PKP4: variants seen among roughly 807,000 people sequenced by gnomAD.
PKP4 encodes the protein plakophilin 4, also known as plakophilin-4.
In PKP4, 90 loss-of-function variants were observed where a neutral mutation model predicts 145.1. The observed-to-expected ratio is 0.62, with a 90% CI of 0.52 to 0.74. The LOEUF is 0.74. PKP4 is among the 30% of genes least tolerant of loss of function. The pLI is 0.00. For missense variants in PKP4, 1,340 were observed against 1,482.7 expected (o/e 0.90, Z 1.58); for synonymous variants, 563 against 577.2 (o/e 0.98, Z 0.35).
intron 2 of PKP4, among the ~76,000 whole-genome samples, chr2:158,547,786 GTT>G (rs764413788): frequency 3.9e-4 from 60 of 152,294 alleles, no homozygotes; most frequent in Admixed American, 1.4e-3. Context: ...GATAGACACT[GTT>G]TTACAAAACT....
At chr2:158,532,214 T>G (rs16843006) in intron 1 of PKP4, among the ~76,000 whole-genome samples, 22,669 of 152,108 alleles carry the variant, frequency 0.15, 1,870 homozygotes, top group Middle Eastern at 0.28. Context: ...TGAAGAATGT[T>G]GAGAAAAATA....
chr2:158,477,046 C>T (rs1162453305), intron 1 of PKP4, among the ~76,000 whole-genome samples: 1 of 150,782 alleles, frequency 6.6e-6, no homozygotes, highest in Non-Finnish European at 1.5e-5. Flanking sequence ...TAATTCATCC[C>T]TTAAAATTGG....
chr2:158,575,778 A>G (rs1314683626), intron 2 of PKP4, among the ~76,000 whole-genome samples: 1 of 151,752 alleles, frequency 6.6e-6, no homozygotes, highest in Non-Finnish European at 1.5e-5. Flanking sequence ...GAAGTGAACA[A>G]ATAGAAGTCT....
chr2:158,467,626 A>T (rs1420527630), intron 1 of PKP4, among the ~76,000 whole-genome samples: 2 of 151,900 alleles, frequency 1.3e-5, no homozygotes, highest in Non-Finnish European at 2.9e-5. Context: ...TATGAAGATT[A>T]CTTGAGGCCA....
intron 3 of PKP4, among the ~76,000 whole-genome samples, chr2:158,593,018 CAAGTAT>C (rs1188673746): frequency 1.3e-5 from 2 of 152,240 alleles, no homozygotes; most frequent in Non-Finnish European, 1.5e-5. Context: ...GCTTTATTTA[CAAGTAT>C]AACATATAGA....
At chr2:158,529,946 A>T (rs1171723839) in intron 1 of PKP4, among the ~76,000 whole-genome samples, 1 of 152,188 alleles carries the variant, frequency 6.6e-6, no homozygotes, top group Non-Finnish European at 1.5e-5. Context: ...GGTTGGGTCA[A>T]GGTCAGACCT....
intron 1 of PKP4, among the ~76,000 whole-genome samples, chr2:158,473,753 A>G (rs1691989912): frequency 6.6e-6 from 1 of 152,280 alleles, no homozygotes; most frequent in East Asian, 1.9e-4. Flanking sequence ...TACCCCAGCG[A>G]TATAAGTTTA....
At chr2:158,595,422 G>T (rs2049641151) in intron 3 of PKP4, among the ~76,000 whole-genome samples, 1 of 152,082 alleles carries the variant, frequency 6.6e-6, no homozygotes, top group East Asian at 1.9e-4. Flanking sequence ...TAAGACCAGG[G>T]ACTTCCATAG....
At chr2:158,472,485 C>T (rs946023746) in intron 1 of PKP4, among the ~76,000 whole-genome samples, 5 of 151,590 alleles carry the variant, frequency 3.3e-5, no homozygotes, top group African/African-American at 7.3e-5. Context: ...CAGTGGCAGG[C>T]GCCTATAATC....
intron 3 of PKP4, among the ~76,000 whole-genome samples, chr2:158,584,816 G>A (rs1357826860): frequency 6.6e-6 from 1 of 152,072 alleles, no homozygotes; most frequent in East Asian, 1.9e-4. Flanking sequence ...CAACAGACTT[G>A]GAATGTTACT....
chr2:158,504,461 A>G (rs1187661089), intron 1 of PKP4, among the ~76,000 whole-genome samples: 2 of 152,192 alleles, frequency 1.3e-5, no homozygotes, highest in Non-Finnish European at 2.9e-5. Context: ...TTTGCTTCTC[A>G]TTCTTGTAGT....
intron 1 of PKP4, among the ~76,000 whole-genome samples, chr2:158,490,831 G>A (rs535091937): frequency 7.2e-5 from 11 of 152,240 alleles, no homozygotes; most frequent in African/African-American, 2.6e-4. Flanking sequence ...TTAGTTGGAT[G>A]TTAGGGAGGG....
intron 12 of PKP4, chr2:158,660,169 G>A (rs1158186787): frequency 6.5e-6 from 1 of 152,754 alleles, no homozygotes; most frequent in Non-Finnish European, 1.5e-5. Flanking sequence ...TGCTTGGAAG[G>A]GTGAGCAGCT....
At chr2:158,628,975 T>C (rs1181629632) in intron 7 of PKP4, among the ~76,000 whole-genome samples, 1 of 152,122 alleles carries the variant, frequency 6.6e-6, no homozygotes, top group Non-Finnish European at 1.5e-5. Context: ...AATGATAAGA[T>C]TATCGAGGAC....
At chr2:158,642,094 T>C (rs984937305) in intron 10 of PKP4, among the ~76,000 whole-genome samples, 2 of 152,210 alleles carry the variant, frequency 1.3e-5, no homozygotes, top group African/African-American at 4.8e-5. Context: ...CAATCTTGGC[T>C]CACTGCAACC....
chr2:158,533,444 A>G (rs1443462396), intron 2 of PKP4, 128 bp downstream of exon 2: 1 of 1,131,100 alleles, frequency 8.8e-7, no homozygotes. Flanking sequence ...TAAGGTGTTT[A>G]CATCCCTGAG....
intron 3 of PKP4, among the ~76,000 whole-genome samples, chr2:158,593,673 A>G (rs1437497988): frequency 6.6e-6 from 1 of 152,202 alleles, no homozygotes; most frequent in Admixed American, 6.5e-5. Context: ...CTGTGCATCA[A>G]ATAAGCAACT....
At chr2:158,617,253 G>A (rs903174617) in intron 4 of PKP4, among the ~76,000 whole-genome samples, 4 of 151,928 alleles carry the variant, frequency 2.6e-5, no homozygotes, top group South Asian at 2.1e-4. Context: ...ATACATTTTC[G>A]AAGATGCTAA....
At chr2:158,496,792 G>C (rs1574107738) in intron 1 of PKP4, among the ~76,000 whole-genome samples, 1 of 148,238 alleles carries the variant, frequency 6.7e-6, no homozygotes, top group African/African-American at 2.5e-5. Flanking sequence ...GTGTGTGTGT[G>C]TGTCTGTGTG....
Sources: allele counts gnomAD v4.1 joint callset (sites outside exome capture counted in the v4.1 genomes callset), GRCh38; gene constraint gnomAD v4.1.1; transcripts MANE v1.5; gene names NCBI Gene and HGNC (gene_info 2026-07-23, HGNC 2026-07-21).